FGGY: variants seen among roughly 807,000 people sequenced by gnomAD.
FGGY encodes the protein FGGY carbohydrate kinase domain-containing protein.
A neutral mutation model predicts 71.3 loss-of-function variants in FGGY; 72 were observed. The observed-to-expected ratio is 1.01, with a 90% confidence interval of 0.84 to 1.23. FGGY has a LOEUF of 1.23. Among genes scored for constraint, FGGY ranks in the 50% most tolerant of loss-of-function variants. FGGY has a pLI of 0.00. For missense variants in FGGY, 668 were observed against 682.3 expected (o/e 0.98, Z 0.23); for synonymous variants, 251 against 250.3 (o/e 1.00, Z -0.02).
chr1:59,615,171 A>T (rs2096737636), intron 9 of FGGY, among the ~76,000 whole-genome samples: 1 of 152,220 alleles, frequency 6.6e-6, no homozygotes, highest in Non-Finnish European at 1.5e-5. Context: ...TATGGAATCA[A>T]AAAAGAGCCC....
chr1:59,526,743 T>C (rs1558226408), intron 7 of FGGY, among the ~76,000 whole-genome samples: 1 of 152,212 alleles, frequency 6.6e-6, no homozygotes, highest in Non-Finnish European at 1.5e-5. Context: ...CATTCAAATG[T>C]GCGAGAGGGG....
chr1:59,729,675 T>A (rs140393028), intron 14 of FGGY, among the ~76,000 whole-genome samples: 13 of 152,308 alleles, frequency 8.5e-5, no homozygotes, highest in African/African-American at 3.1e-4. Context: ...TTCACTAATA[T>A]TATACTGGGG....
chr1:59,452,174 C>T (rs1341568004), intron 5 of FGGY, among the ~76,000 whole-genome samples: 2 of 151,624 alleles, frequency 1.3e-5, no homozygotes, highest in East Asian at 3.9e-4. Context: ...GGAATCTGTC[C>T]TCCAAGCCTC....
intron 14 of FGGY, among the ~76,000 whole-genome samples, chr1:59,742,275 T>C (rs942285700): frequency 1.3e-5 from 2 of 152,168 alleles, no homozygotes; most frequent in Non-Finnish European, 2.9e-5. Context: ...TCCACCAAAA[T>C]CATGCTGCCT....
chr1:59,415,691 A>G (rs1179828383), intron 5 of FGGY, among the ~76,000 whole-genome samples: 3 of 152,142 alleles, frequency 2.0e-5, no homozygotes, highest in African/African-American at 4.8e-5. Context: ...TTTCTCCACC[A>G]CTAGACTGTG....
intron 6 of FGGY, among the ~76,000 whole-genome samples, chr1:59,473,442 G>A (rs887440710): frequency 1.3e-5 from 2 of 152,130 alleles, no homozygotes; most frequent in Admixed American, 6.5e-5. Flanking sequence ...GAGGGTCCGC[G>A]GCTTCATTCT....
At chr1:59,429,101 G>A (rs983821261) in intron 5 of FGGY, among the ~76,000 whole-genome samples, 2 of 152,114 alleles carry the variant, frequency 1.3e-5, no homozygotes, top group Admixed American at 6.5e-5. Context: ...TCACTTTCAC[G>A]CAAATGAAGT....
At chr1:59,494,841 C>A (rs183265489) in intron 6 of FGGY, among the ~76,000 whole-genome samples, 5 of 152,174 alleles carry the variant, frequency 3.3e-5, no homozygotes, top group Admixed American at 2.0e-4. Context: ...AATTTATATT[C>A]CTTTGGGTAT....
At chr1:59,579,167 C>T (rs772283369) in intron 8 of FGGY, among the ~76,000 whole-genome samples, 25 of 152,136 alleles carry the variant, frequency 1.6e-4, no homozygotes, top group Non-Finnish European at 2.1e-4. Flanking sequence ...GGCACAGCTG[C>T]GCCCTCCCTT....
intron 14 of FGGY, among the ~76,000 whole-genome samples, chr1:59,728,961 C>T (rs529583430): frequency 6.6e-6 from 1 of 152,192 alleles, no homozygotes; most frequent in South Asian, 2.1e-4. Flanking sequence ...ATTATTACTT[C>T]AGATATTTCT....
chr1:59,687,363 T>C (rs1182821866), intron 14 of FGGY, among the ~76,000 whole-genome samples: 1 of 152,200 alleles, frequency 6.6e-6, no homozygotes, highest in Non-Finnish European at 1.5e-5. Flanking sequence ...CCTCCTGTCA[T>C]CCCTTGATTC....
intron 10 of FGGY, among the ~76,000 whole-genome samples, chr1:59,637,133 C>A (rs531554513): frequency 6.6e-6 from 1 of 152,204 alleles, no homozygotes; most frequent in South Asian, 2.1e-4. Flanking sequence ...TGTTATTAAA[C>A]CTATTTTATG....
At chr1:59,491,902 C>G (rs2093876954) in intron 6 of FGGY, among the ~76,000 whole-genome samples, 1 of 152,036 alleles carries the variant, frequency 6.6e-6, no homozygotes, top group Non-Finnish European at 1.5e-5. Flanking sequence ...ATGTACTTTC[C>G]ATCTTGTAAA....
intron 8 of FGGY, among the ~76,000 whole-genome samples, chr1:59,584,223 G>C (rs2096245155): frequency 6.7e-6 from 1 of 149,424 alleles, no homozygotes; most frequent in Non-Finnish European, 1.5e-5. Flanking sequence ...AAAAAAAAGA[G>C]AATTTTAGAC....
At chr1:59,303,161 A>G (rs1471376666) in intron 1 of FGGY, among the ~76,000 whole-genome samples, 2 of 152,210 alleles carry the variant, frequency 1.3e-5, no homozygotes, top group Non-Finnish European at 2.9e-5. Context: ...CTCTTAGCAC[A>G]TTTTAAGTAT....
intron 7 of FGGY, among the ~76,000 whole-genome samples, chr1:59,534,882 A>C (rs2095268953): frequency 1.3e-5 from 2 of 152,202 alleles, no homozygotes; most frequent in South Asian, 4.1e-4. Context: ...AAATCATGCC[A>C]AAATGTAAAG....
chr1:59,465,515 G>C (rs951439417), intron 6 of FGGY, among the ~76,000 whole-genome samples: 1 of 152,150 alleles, frequency 6.6e-6, no homozygotes. Flanking sequence ...AGGGCAGTCA[G>C]GCAAGAGAAA....
chr1:59,581,539 GGGCTGT>G (rs71582603), intron 8 of FGGY, among the ~76,000 whole-genome samples: 23,488 of 149,388 alleles, frequency 0.16, 3,325 homozygotes, highest in South Asian at 0.31. Flanking sequence ...GAGCTTTGGA[GGGCTGT>G]GGCTGTGGCT....
At chr1:59,503,581 T>G in intron 6 of FGGY, among the ~76,000 whole-genome samples, 1 of 131,634 alleles carries the variant, frequency 7.6e-6, no homozygotes, top group African/African-American at 3.4e-5. Flanking sequence ...CGCATTGGCT[T>G]TTGTGGTGTC....
Sources: allele counts gnomAD v4.1 joint callset (sites outside exome capture counted in the v4.1 genomes callset), GRCh38; gene constraint gnomAD v4.1.1; transcripts MANE v1.5; gene names NCBI Gene and HGNC (gene_info 2026-07-23, HGNC 2026-07-21).